RGL1: variants seen among roughly 807,000 people sequenced by gnomAD.
RGL1 encodes the protein ral guanine nucleotide dissociation stimulator-like 1.
RGL1 carries 24 observed loss-of-function variants against 95.2 expected under a neutral mutation model. The observed-to-expected ratio is 0.25, with a 90% CI of 0.18 to 0.35. RGL1 has a LOEUF of 0.35. Among genes scored for constraint, RGL1 ranks in the 10% least tolerant of loss-of-function variants. The pLI is 1.00. For synonymous variants in RGL1, 329 were observed against 344.9 expected (o/e 0.95, Z 0.51); for missense variants, 715 against 936.3 (o/e 0.76, Z 3.08).
intron 17 of RGL1, among the ~76,000 whole-genome samples, chr1:183,924,843 G>A (rs1669525014): frequency 6.6e-6 from 1 of 151,312 alleles, no homozygotes; most frequent in South Asian, 2.1e-4. Context: ...GCACACGCCT[G>A]TAATCCCAGC....
intron 1 of RGL1, among the ~76,000 whole-genome samples, chr1:183,652,696 A>G (rs1007481273): frequency 6.6e-6 from 1 of 152,228 alleles, no homozygotes; most frequent in African/African-American, 2.4e-5. Context: ...TTGTTTCCCC[A>G]GCAGCTGGTG....
At chr1:183,805,092 T>TGGC, upstream of RGL1, 2 of 485,542 alleles carry the variant, frequency 4.1e-6, no homozygotes, top group Non-Finnish European at 6.7e-6. Flanking sequence ...TGCTCCTCGC[T>TGGC]TGCTCGCTCG....
intron 1 of RGL1, among the ~76,000 whole-genome samples, chr1:183,703,648 C>G (rs941294793): frequency 6.6e-6 from 1 of 152,204 alleles, no homozygotes; most frequent in Non-Finnish European, 1.5e-5. Context: ...CAAACCTCAC[C>G]TTCTGAAGTT....
chr1:183,745,127 C>T (rs565179775), intron 2 of RGL1, among the ~76,000 whole-genome samples: 1 of 152,122 alleles, frequency 6.6e-6, no homozygotes, highest in African/African-American at 2.4e-5. Flanking sequence ...ATTCTTGTGG[C>T]ATTGAGCATC....
chr1:183,844,722 A>G (rs1664300618), intron 2 of RGL1, among the ~76,000 whole-genome samples: 1 of 152,190 alleles, frequency 6.6e-6, no homozygotes, highest in South Asian at 2.1e-4. Context: ...TGGGTACTAC[A>G]AGGTTTGTTC....
chr1:183,791,233 G>A (rs971580505), intron 2 of RGL1, among the ~76,000 whole-genome samples: 3 of 152,108 alleles, frequency 2.0e-5, no homozygotes, highest in Admixed American at 1.3e-4. Context: ...ATTTGTTCTT[G>A]GCAAAGGCAA....
chr1:183,677,751 A>C (rs10911398), intron 1 of RGL1, among the ~76,000 whole-genome samples: 12,330 of 152,212 alleles, frequency 0.081, 921 homozygotes, highest in African/African-American at 0.2. Context: ...ACACATGTAT[A>C]TTCCCTGGTC....
chr1:183,745,721 A>T (rs1253949752), intron 2 of RGL1, among the ~76,000 whole-genome samples: 2 of 151,440 alleles, frequency 1.3e-5, no homozygotes, highest in African/African-American at 4.8e-5. Context: ...GATCTTCAAG[A>T]TTATCTTGGT....
At chr1:183,881,985 G>A (rs1326867673) in intron 5 of RGL1, among the ~76,000 whole-genome samples, 3 of 152,226 alleles carry the variant, frequency 2.0e-5, no homozygotes, top group African/African-American at 7.2e-5. Flanking sequence ...GGAACCGGTG[G>A]GACCAGTCAT....
At chr1:183,765,285 G>A (rs180780084) in intron 2 of RGL1, among the ~76,000 whole-genome samples, 48 of 152,280 alleles carry the variant, frequency 3.2e-4, no homozygotes, top group Non-Finnish European at 6.5e-4. Flanking sequence ...GCCTCCAATT[G>A]TTTCCAAATA....
chr1:183,919,850 T>C (rs1178836618), intron 16 of RGL1, among the ~76,000 whole-genome samples: 1 of 152,198 alleles, frequency 6.6e-6, no homozygotes, highest in East Asian at 1.9e-4. Flanking sequence ...CAGCAGCCAC[T>C]GGCCACGGGT....
chr1:183,658,562 G>A (rs1651366714), intron 1 of RGL1, among the ~76,000 whole-genome samples: 1 of 152,130 alleles, frequency 6.6e-6, no homozygotes, highest in Non-Finnish European at 1.5e-5. Flanking sequence ...CTGGAAGCTG[G>A]AACTGGGTGG....
intron 1 of RGL1, among the ~76,000 whole-genome samples, chr1:183,689,592 T>C (rs1424699894): frequency 6.6e-6 from 1 of 152,226 alleles, no homozygotes; most frequent in Non-Finnish European, 1.5e-5. Context: ...TTTGCTTACA[T>C]TTCTGTAGCT....
At chr1:183,841,261 A>G (rs1226890655) in intron 2 of RGL1, among the ~76,000 whole-genome samples, 1 of 152,240 alleles carries the variant, frequency 6.6e-6, no homozygotes, top group Non-Finnish European at 1.5e-5. Context: ...TCAAATTCAG[A>G]TAAATAACAA....
intron 2 of RGL1, among the ~76,000 whole-genome samples, chr1:183,795,811 A>T (rs1660671338): frequency 6.6e-6 from 1 of 152,232 alleles, no homozygotes; most frequent in Middle Eastern, 3.4e-3. Context: ...TTGTGTAGCG[A>T]CTCAGTAAAT....
intron 2 of RGL1, among the ~76,000 whole-genome samples, chr1:183,840,046 CG>C: frequency 6.6e-6 from 1 of 152,208 alleles, no homozygotes; most frequent in South Asian, 2.1e-4. Context: ...TTGGATGAAA[CG>C]GGTATGATCT....
At chr1:183,644,619 T>TTATG (rs1650159959) in intron 1 of RGL1, among the ~76,000 whole-genome samples, 1 of 152,112 alleles carries the variant, frequency 6.6e-6, no homozygotes, top group Non-Finnish European at 1.5e-5. Context: ...TTAGCATAGG[T>TTATG]TATGATGTGG....
At chr1:183,916,404 G>C (rs1279966618) in intron 15 of RGL1, 43 bp from the exon 16 acceptor site, 7 of 1,601,132 alleles carry the variant, frequency 4.4e-6, no homozygotes, top group Non-Finnish European at 8.5e-7. Context: ...CTGTTGGCCA[G>C]CGTTCTAATC....
At chr1:183,712,046 A>AAAGTATT (rs1224028594) in intron 1 of RGL1, among the ~76,000 whole-genome samples, 5 of 152,236 alleles carry the variant, frequency 3.3e-5, no homozygotes, top group Non-Finnish European at 5.9e-5. Flanking sequence ...AAATGAACAT[A>AAAGTATT]AAGTATTTTC....
Sources: allele counts gnomAD v4.1 joint callset (sites outside exome capture counted in the v4.1 genomes callset), GRCh38; gene constraint gnomAD v4.1.1; transcripts MANE v1.5; gene names NCBI Gene and HGNC (gene_info 2026-07-23, HGNC 2026-07-21).